RPS6KA2: variants seen among roughly 807,000 people sequenced by gnomAD.
The protein encoded by RPS6KA2 is ribosomal protein S6 kinase alpha-2.
A neutral mutation model predicts 91.8 loss-of-function variants in RPS6KA2; 42 were observed. The observed-to-expected ratio is 0.46, with a 90% CI of 0.36 to 0.59. The LOEUF (loss-of-function observed/expected upper bound fraction) is 0.59, where lower values mean the gene tolerates loss of function less well. Ranked by LOEUF, RPS6KA2 falls within the 20% of genes least tolerant of loss-of-function variation. The pLI is 0.00. For missense variants in RPS6KA2, 798 were observed against 978.5 expected (o/e 0.82, Z 2.46); for synonymous variants, 414 against 393.6 (o/e 1.05, Z -0.61).
At chr6:166,624,076 C>T (rs12663354) in intron 1 of RPS6KA2, among the ~76,000 whole-genome samples, 2,146 of 151,990 alleles carry the variant, frequency 0.014, 37 homozygotes, top group East Asian at 0.07. Context: ...AGAAATTTCT[C>T]ATTATTTAAA....
intron 10 of RPS6KA2, among the ~76,000 whole-genome samples, chr6:166,484,603 T>C (rs1781343909): frequency 6.6e-6 from 1 of 152,182 alleles, no homozygotes; most frequent in Non-Finnish European, 1.5e-5. Flanking sequence ...CAGGAGGTGT[T>C]GTAGCCGCAT....
At chr6:166,549,893 C>T (rs566431223) in intron 1 of RPS6KA2, among the ~76,000 whole-genome samples, 94 of 152,280 alleles carry the variant, frequency 6.2e-4, no homozygotes, top group African/African-American at 2.2e-3. Flanking sequence ...AGGTGGAGCC[C>T]GGCTGAAGCA....
intron 1 of RPS6KA2, among the ~76,000 whole-genome samples, chr6:166,582,114 G>A (rs1299110145): frequency 6.8e-6 from 1 of 148,028 alleles, no homozygotes. Flanking sequence ...TGGGCAGGAG[G>A]GCCCAGGGAG....
chr6:166,436,531 G>A (rs1052425056), intron 14 of RPS6KA2, among the ~76,000 whole-genome samples: 4 of 152,188 alleles, frequency 2.6e-5, no homozygotes, highest in African/African-American at 9.7e-5. Context: ...GGGTGGGGAG[G>A]TGCGCCCTGA....
chr6:166,701,217 T>A (rs1208427867), intron 2 of RPS6KA2: 2 of 1,612,084 alleles, frequency 1.2e-6, no homozygotes, highest in African/African-American at 2.7e-5. Flanking sequence ...AGTGACCAGT[T>A]ATTTTGACAA....
chr6:166,493,861 G>A lies in RPS6KA2; in HGVS notation c.748-3120C>T, dbSNP rs1239870294. Among the ~76,000 whole-genome samples the A allele has an allele frequency of 3.3e-5, 5 of 152,136 alleles. No homozygotes were observed. The highest frequency in any genetic ancestry group is 2.0e-4 in the Admixed American group (3 of 15,284). On this transcript the variant is annotated intron_variant, in intron 8 of 20. Coordinates refer to ENST00000265678, the MANE Select transcript of RPS6KA2 (RefSeq NM_021135.6). The surrounding 1 kb of genome is among the most constrained non-coding windows in gnomAD (Gnocchi z 4.7). ...CCACAACAAGGAAGTGTCCAGTCCC[G>A]ACCTCAACAGTGCTGGCTGAGAAGC...
At chr6:166,551,766 C>T (rs1784029380) in intron 1 of RPS6KA2, among the ~76,000 whole-genome samples, 1 of 152,176 alleles carries the variant, frequency 6.6e-6, no homozygotes, top group Non-Finnish European at 1.5e-5. Flanking sequence ...CACCCTCCAT[C>T]CCTGAGCCTG....
At chr6:166,441,630 T>C (rs372415020) in intron 14 of RPS6KA2, among the ~76,000 whole-genome samples, 3 of 152,232 alleles carry the variant, frequency 2.0e-5, no homozygotes, top group South Asian at 2.1e-4. Context: ...CAAGCTCCCC[T>C]GAGTCCTCTC....
At position 166,434,158 on chromosome 6, in the gene RPS6KA2, T is replaced by A. The variant is rs1329302426; in HGVS notation, c.1333-1668A>T. 6.6e-6 allele frequency among the ~76,000 whole-genome samples: 1 copy of A among 152,210 alleles called. No individual in the cohort carries two copies. Among genetic ancestry groups the A allele is most frequent in the African/African-American group, 2.4e-5 (1 of 41,444 alleles). ...CTTCGTCCACTCCCCGTCACCGTTA[T>A]AAAAACTCACCATAGTGCCAGTTCT... On this transcript the variant is annotated intron_variant, in intron 14 of 20. Coordinates refer to ENST00000265678, the MANE Select transcript of RPS6KA2 (RefSeq NM_021135.6). This position sits in a 1 kb window ranked among gnomAD's most constrained non-coding sequence, Gnocchi z 4.4.
intron 2 of RPS6KA2, among the ~76,000 whole-genome samples, chr6:166,636,504 T>C (rs186312521): frequency 1.7e-4 from 26 of 152,372 alleles, no homozygotes; most frequent in African/African-American, 6.0e-4. Context: ...TATGTGATTC[T>C]TCTTCCTTTT....
chr6:166,655,724 A>C (rs1241699637), intron 2 of RPS6KA2, among the ~76,000 whole-genome samples: 1 of 152,272 alleles, frequency 6.6e-6, no homozygotes, highest in Non-Finnish European at 1.5e-5. Flanking sequence ...TGACTATAAA[A>C]GGTTGGAAAC....
intron 2 of RPS6KA2, among the ~76,000 whole-genome samples, chr6:166,720,600 A>C (rs1371349992): frequency 6.6e-6 from 1 of 152,220 alleles, no homozygotes; most frequent in Non-Finnish European, 1.5e-5. Flanking sequence ...TGTATGAGAA[A>C]CTAGCACTAA....
intron 1 of RPS6KA2, among the ~76,000 whole-genome samples, chr6:166,560,251 T>C (rs1254298982): frequency 6.6e-6 from 1 of 152,204 alleles, no homozygotes; most frequent in Non-Finnish European, 1.5e-5. Flanking sequence ...TGGGCCCAGT[T>C]CCTGGGATTC....
intron 2 of RPS6KA2, among the ~76,000 whole-genome samples, chr6:166,824,550 C>T (rs972321248): frequency 9.2e-5 from 14 of 151,820 alleles, no homozygotes; most frequent in African/African-American, 3.4e-4. Context: ...GTGAGTGTGT[C>T]TATATGTGTG....
In RPS6KA2 at chr6:166,412,652, G is replaced by T. The variant is rs1778348184; in HGVS notation, c.*110C>A. Reference sequence around the variant, plus strand: ...CACGGACACGGCGAGGGCGGGCGCCGCCTCCCTGCTGGACTTGTGGTCACT... The same window carrying T: ...CACGGACACGGCGAGGGCGGGCGCCTCCTCCCTGCTGGACTTGTGGTCACT... On this transcript the variant is annotated 3_prime_UTR_variant, in exon 21 of 21. Coordinates refer to ENST00000265678, the MANE Select transcript of RPS6KA2 (RefSeq NM_021135.6). This position sits in a 1 kb window ranked among gnomAD's most constrained non-coding sequence, Gnocchi z 4.3. 3 of 1,138,134 alleles carry T rather than the reference G, an allele frequency of 2.6e-6. No individual in the cohort carries two copies. The highest frequency in any genetic ancestry group is 3.1e-5 in the African/African-American group (2 of 64,040). 70.5% of individuals were successfully genotyped at this position (1,138,134 alleles called of 1,614,324 possible). A position where few individuals can be genotyped will look rare whatever the true frequency, so the allele number is the denominator to read the frequency against.
intron 3 of RPS6KA2, among the ~76,000 whole-genome samples, chr6:166,525,664 C>T (rs3799654): frequency 0.14 from 20,902 of 152,072 alleles, 1,867 homozygotes; most frequent in African/African-American, 0.25. Flanking sequence ...GCAGGTCTCC[C>T]GCCTCCTTTC....
At chr6:166,486,497 G>T (rs1781414592) in intron 10 of RPS6KA2, among the ~76,000 whole-genome samples, 1 of 152,250 alleles carries the variant, frequency 6.6e-6, no homozygotes, top group Non-Finnish European at 1.5e-5. Flanking sequence ...TAAGGAAGCT[G>T]CCTCTGTCTG....
At chr6:166,759,067 G>A (rs988726117) in intron 2 of RPS6KA2, among the ~76,000 whole-genome samples, 4 of 12,708 alleles carry the variant, frequency 3.1e-4, no homozygotes, top group African/African-American at 1.4e-3. Context: ...TGTTGCATTC[G>A]TGTGTGTGTG....
At chr6:166,652,774 A>C (rs1787898597) in intron 2 of RPS6KA2, among the ~76,000 whole-genome samples, 1 of 152,146 alleles carries the variant, frequency 6.6e-6, no homozygotes, top group Non-Finnish European at 1.5e-5. Context: ...TCGTACCGAG[A>C]TTTTCAAGCT....
Sources: allele counts gnomAD v4.1 joint callset (sites outside exome capture counted in the v4.1 genomes callset), GRCh38; gene constraint gnomAD v4.1.1; non-coding constraint Gnocchi (gnomAD v3.1); transcripts MANE v1.5; gene names NCBI Gene and HGNC (gene_info 2026-07-23, HGNC 2026-07-21).